COG3: variants seen among roughly 807,000 people sequenced by gnomAD.
The protein encoded by COG3 is component of oligomeric golgi complex 3, also known as conserved oligomeric Golgi complex subunit 3.
Under a neutral mutation model 114.1 loss-of-function variants are expected in COG3, and 32 were observed. The observed-to-expected ratio is 0.28, with a 90% CI of 0.21 to 0.38. The LOEUF is 0.38. Among genes scored for constraint, COG3 ranks in the 10% least tolerant of loss-of-function variants. The pLI is 1.00. For synonymous variants in COG3, 352 were observed against 365.7 expected (o/e 0.96, Z 0.43); for missense variants, 813 against 973.2 (o/e 0.84, Z 2.19).
chr13:45,511,035 A>G (rs1419339064), intron 15 of COG3, among the ~76,000 whole-genome samples: 1 of 152,186 alleles, frequency 6.6e-6, no homozygotes, highest in Non-Finnish European at 1.5e-5. Flanking sequence ...TGTAGAATGG[A>G]GGCTGGGAGT....
At position 45,491,436 on chromosome 13, in the gene COG3, C is replaced by G. The variant is rs776649514; in HGVS notation, c.993C>G (p.Ile331Met). 6.2e-7 allele frequency: 1 copy of G among 1,612,194 alleles called. No homozygotes were observed. Among genetic ancestry groups the G allele is most frequent in the East Asian group, 2.2e-5 (1 of 44,822 alleles). Residue 331 changes from isoleucine to methionine, a missense_variant, in exon 10 of 23, where the codon ATC becomes ATG. Physicochemically the swap from Ile to Met is conservative, Grantham distance 10. Coordinates refer to ENST00000349995, the MANE Select transcript of COG3 (RefSeq NM_031431.4). ...GATACCAACAACTGCTAAATGATAT[C>G]CACCAGTGTTACCTTGATCAGCGGG... ...IPEYQQLLNDIHQCYLDQREL... is the reference protein window; with the variant it reads ...IPEYQQLLNDMHQCYLDQREL...
intron 13 of COG3, among the ~76,000 whole-genome samples, chr13:45,502,328 A>G (rs1190377339): frequency 1.3e-5 from 2 of 152,142 alleles, no homozygotes; most frequent in Non-Finnish European, 2.9e-5. Flanking sequence ...AGTTTTCTAT[A>G]TGCTCCCTTC....
chr13:45,518,738 T>A, intron 17 of COG3, 24 bp from the exon 18 acceptor site: 1 of 1,573,188 alleles, frequency 6.4e-7, no homozygotes, highest in Non-Finnish European at 8.7e-7. Flanking sequence ...ACATGTTCAC[T>A]GGATGAGTAA....
At chr13:45,509,957 T>C (rs1463206438) in intron 15 of COG3, 141 bp downstream of exon 15, 3 of 875,508 alleles carry the variant, frequency 3.4e-6, no homozygotes, top group Non-Finnish European at 5.1e-6. Flanking sequence ...GAGGTCAAGC[T>C]AATTTAGGAA....
chr13:45,503,550 G>C (rs553419841), intron 14 of COG3, among the ~76,000 whole-genome samples: 37 of 152,284 alleles, frequency 2.4e-4, no homozygotes, highest in African/African-American at 7.9e-4. Context: ...CTTGGACCAT[G>C]GATGAGGGGC....
chr13:45,499,663 G>A (rs1279371226), intron 13 of COG3, among the ~76,000 whole-genome samples: 1 of 152,216 alleles, frequency 6.6e-6, no homozygotes, highest in Non-Finnish European at 1.5e-5. Context: ...AGTCATATGA[G>A]AGACAGTGGC....
chr13:45,506,550 A>G (rs1005943227), intron 14 of COG3, among the ~76,000 whole-genome samples: 3 of 152,188 alleles, frequency 2.0e-5, no homozygotes, highest in African/African-American at 7.2e-5. Flanking sequence ...CGATTCTGCG[A>G]GTATTAAGAA....
intron 14 of COG3, among the ~76,000 whole-genome samples, chr13:45,509,198 CCTGA>C (rs1250970147): frequency 2.0e-5 from 3 of 152,174 alleles, no homozygotes; most frequent in Admixed American, 6.5e-5. Context: ...CGCCACCACG[CCTGA>C]CTAATTTTTG....
chr13:45,483,600 A>G (rs1001885437), intron 7 of COG3, among the ~76,000 whole-genome samples: 1 of 152,236 alleles, frequency 6.6e-6, no homozygotes, highest in Admixed American at 6.5e-5. Flanking sequence ...TATATGATGA[A>G]TAATCAGATA....
chr13:45,508,385 T>TA (rs55919888), intron 14 of COG3, among the ~76,000 whole-genome samples: 33,912 of 75,024 alleles, frequency 0.45, 4,621 homozygotes, highest in East Asian at 0.57. Flanking sequence ...TATATATATT[T>TA]TTATATATAT....
chr13:45,482,192 T>G (rs202107772), intron 5 of COG3, among the ~76,000 whole-genome samples, 189 bp from the exon 6 acceptor site: 3 of 152,194 alleles, frequency 2.0e-5, no homozygotes, highest in East Asian at 3.8e-4. Flanking sequence ...TAAATCAGTA[T>G]GCTTTTTCTG....
chr13:45,465,174 G>A lies in COG3; in HGVS notation c.138G>A (p.Leu46=). 6.2e-7 allele frequency: 1 copy of A among 1,613,714 alleles called. No homozygotes were observed. The part of the protein sequence containing the change: ...TDRQTDSVLE[L]KAAAENLPVP... ...GGCAGACGGACTCGGTATTGGAGCT[G>A]AAGGCGGCGGCAGAGAACTTGCCGG... Residue 46 remains leucine, a synonymous_variant, in exon 1 of 23, where the codon CTG becomes CTA. Transcript: ENST00000349995.
intron 3 of COG3, 118 bp downstream of exon 3, chr13:45,479,184 T>A: frequency 1.4e-6 from 1 of 704,378 alleles, no homozygotes; most frequent in Non-Finnish European, 2.4e-6. Context: ...GTAACAGCCA[T>A]ATATTCTTTA....
intron 21 of COG3, 59 bp downstream of exon 21, chr13:45,529,977 A>T: frequency 6.5e-7 from 1 of 1,544,330 alleles, no homozygotes; most frequent in South Asian, 1.3e-5. Flanking sequence ...TCTTTGCCTC[A>T]TTTACCATTT....
chr13:45,522,431 T>G (rs1222969578), intron 19 of COG3, among the ~76,000 whole-genome samples: 1 of 152,240 alleles, frequency 6.6e-6, no homozygotes, highest in Admixed American at 6.5e-5. Flanking sequence ...CTTCTTCCTC[T>G]GTGCTCCTTG....
chr13:45,516,396 G>A (rs754773095), intron 17 of COG3, 133 bp downstream of exon 17: 26 of 697,916 alleles, frequency 3.7e-5, no homozygotes, highest in African/African-American at 2.7e-4. Flanking sequence ...TTATTTGTTC[G>A]TACTAAGCTG....
In COG3 at chr13:45,465,082, C is replaced by A; in HGVS notation, c.46C>A (p.Arg16=). The stretch of plus-strand genomic sequence containing the variant: ...GCTGCTGCCTGAGGCGGCGGCGGAG[C>A]GGGACGCTAGGGAAAAGCTGGCTCT... The part of the protein sequence containing the change: ...LLLLPEAAAE[R]DAREKLALWD... Residue 16 remains arginine (R), a synonymous_variant, in exon 1 of 23, where the codon CGG becomes AGG. Transcript: ENST00000349995. The A allele has an allele frequency of 6.2e-7, 1 of 1,605,490 alleles. No individual in the cohort carries two copies. The highest frequency in any genetic ancestry group is 1.3e-5 in the African/African-American group (1 of 74,864).
At chr13:45,478,053 G>A (rs998783850) in intron 2 of COG3, among the ~76,000 whole-genome samples, 1 of 152,102 alleles carries the variant, frequency 6.6e-6, no homozygotes, top group Admixed American at 6.5e-5. Context: ...TTTTGTAAAC[G>A]ATTATAGCAA....
chr13:45,534,274 G>T (rs1030839245), intron 22 of COG3, among the ~76,000 whole-genome samples: 1 of 152,222 alleles, frequency 6.6e-6, no homozygotes, highest in Non-Finnish European at 1.5e-5. Context: ...GTCAGTGTTT[G>T]TATATAGTTT....
Sources: allele counts gnomAD v4.1 joint callset (sites outside exome capture counted in the v4.1 genomes callset), GRCh38; gene constraint gnomAD v4.1.1; transcripts MANE v1.5; gene names NCBI Gene and HGNC (gene_info 2026-07-23, HGNC 2026-07-21).